Variants in NKAIN2 observed in about 807,000 individuals in gnomAD.
NKAIN2 encodes sodium/potassium-transporting ATPase subunit beta-1-interacting protein 2.
In NKAIN2, 14 loss-of-function variants were observed where a neutral mutation model predicts 32.6. The ratio of observed to expected loss-of-function variants is 0.43; its 90% CI spans 0.28 to 0.67. The LOEUF is 0.67. NKAIN2 is among the 30% of genes least tolerant of loss of function. NKAIN2 has a pLI of 0.17. For missense variants in NKAIN2, 198 were observed against 258.3 expected (o/e 0.77, Z 1.60); for synonymous variants, 80 against 87.2 (o/e 0.92, Z 0.46).
intron 3 of NKAIN2, among the ~76,000 whole-genome samples, chr6:124,524,467 G>T (rs1245772672): frequency 6.6e-6 from 1 of 152,048 alleles, no homozygotes; most frequent in Non-Finnish European, 1.5e-5. Flanking sequence ...AAAATAATGA[G>T]AATAGTAACA....
At chr6:124,501,145 T>C (rs1432615251) in intron 3 of NKAIN2, among the ~76,000 whole-genome samples, 1 of 152,172 alleles carries the variant, frequency 6.6e-6, no homozygotes, top group Admixed American at 6.5e-5. Context: ...TCAGAGAGGA[T>C]CATTTTGCCT....
intron 1 of NKAIN2, among the ~76,000 whole-genome samples, chr6:123,993,504 A>G (rs1011746802): frequency 6.6e-6 from 1 of 152,212 alleles, no homozygotes; most frequent in Non-Finnish European, 1.5e-5. Flanking sequence ...CATAAAATCT[A>G]TATTTAATTG....
At chr6:124,727,838 G>C (rs1172087495) in intron 4 of NKAIN2, among the ~76,000 whole-genome samples, 1 of 150,068 alleles carries the variant, frequency 6.7e-6, no homozygotes, top group Non-Finnish European at 1.5e-5. Context: ...ACACACATAG[G>C]CTCAAAATAA....
chr6:123,814,818 A>G (rs1325543409), intron 1 of NKAIN2, among the ~76,000 whole-genome samples: 2 of 152,172 alleles, frequency 1.3e-5, no homozygotes, highest in Non-Finnish European at 2.9e-5. Context: ...TTTACATGCA[A>G]TGGATGAAGA....
At chr6:124,616,815 T>G (rs1045353973) in intron 3 of NKAIN2, among the ~76,000 whole-genome samples, 1 of 152,054 alleles carries the variant, frequency 6.6e-6, no homozygotes, top group African/African-American at 2.4e-5. Flanking sequence ...TTGAAGCCCC[T>G]TGCTTGCCAT....
rs145089943 is a variant in NKAIN2, at chr6:124,306,093, G to A, written c.192+22951G>A. Among the ~76,000 whole-genome samples, 38 of 152,292 alleles carry A rather than the reference G, an allele frequency of 2.5e-4. No individual in the cohort carries two copies. In the East Asian group the frequency reaches 7.3e-3, roughly 29 times the overall value. Reference sequence around the variant, plus strand: ...TTATAATCAGAATCTGCAAGGATTTGCTGAGGAAAAGCATTTTGAAATAGA... The same window carrying A: ...TTATAATCAGAATCTGCAAGGATTTACTGAGGAAAAGCATTTTGAAATAGA... On this transcript the variant is annotated intron_variant, in intron 2 of 6. Transcript: ENST00000368417.
intron 3 of NKAIN2, among the ~76,000 whole-genome samples, chr6:124,476,069 T>A (rs9385336): frequency 0.012 from 677 of 55,028 alleles, 3 homozygotes; most frequent in East Asian, 0.023. Flanking sequence ...AGAGAGAGTG[T>A]GTGTGTGTGT....
intron 1 of NKAIN2, among the ~76,000 whole-genome samples, chr6:124,094,437 G>A (rs1197579669): frequency 6.6e-6 from 1 of 152,078 alleles, no homozygotes; most frequent in Non-Finnish European, 1.5e-5. Flanking sequence ...CAGAAATTGT[G>A]TCTTTGCATT....
At chr6:123,849,389 T>G (rs1044573890) in intron 1 of NKAIN2, among the ~76,000 whole-genome samples, 1 of 152,092 alleles carries the variant, frequency 6.6e-6, no homozygotes, top group Non-Finnish European at 1.5e-5. Context: ...TGGTGAGAGA[T>G]CCTGTAAAAT....
chr6:123,834,636 A>G (rs1420522179), intron 1 of NKAIN2, among the ~76,000 whole-genome samples: 1 of 152,200 alleles, frequency 6.6e-6, no homozygotes, highest in Non-Finnish European at 1.5e-5. Flanking sequence ...AGGGAGCATC[A>G]TAACCTTGTT....
intron 3 of NKAIN2, among the ~76,000 whole-genome samples, chr6:124,376,523 A>G (rs867525048): frequency 6.6e-6 from 1 of 152,160 alleles, no homozygotes; most frequent in East Asian, 1.9e-4. Flanking sequence ...TGTATGCAAT[A>G]TGTATTTTCC....
At chr6:124,492,536 A>T (rs1777905083) in intron 3 of NKAIN2, among the ~76,000 whole-genome samples, 1 of 151,930 alleles carries the variant, frequency 6.6e-6, no homozygotes, top group African/African-American at 2.4e-5. Flanking sequence ...TAATGGTTTT[A>T]TTAGCACCAT....
At chr6:124,644,315 G>C (rs781470) in intron 3 of NKAIN2, among the ~76,000 whole-genome samples, 81,956 of 151,860 alleles carry the variant, frequency 0.54, 22,516 homozygotes, top group Middle Eastern at 0.62. Flanking sequence ...GTTTTATCAT[G>C]TTAACAATTC....
chr6:124,568,822 C>CAAAAAAAAAAAAAA (rs3053601), intron 3 of NKAIN2, among the ~76,000 whole-genome samples: 2 of 80,522 alleles, frequency 2.5e-5, no homozygotes, highest in Non-Finnish European at 2.2e-5. Context: ...AGCACTGTGG[C>CAAAAAAAAAAAAAA]AAAAAAAAAA....
intron 2 of NKAIN2, among the ~76,000 whole-genome samples, chr6:124,309,019 C>T (rs1052640219): frequency 3.9e-5 from 6 of 152,020 alleles, no homozygotes; most frequent in African/African-American, 9.7e-5. Context: ...AGAAACAAAC[C>T]GAGAACAGGC....
At chr6:124,676,471 C>T (rs1364259665) in intron 4 of NKAIN2, among the ~76,000 whole-genome samples, 4 of 152,096 alleles carry the variant, frequency 2.6e-5, no homozygotes, top group Non-Finnish European at 5.9e-5. Context: ...CCCTTCAGTT[C>T]GTCAGTAACT....
chr6:123,929,631 A>C (rs1776163278), intron 1 of NKAIN2, among the ~76,000 whole-genome samples: 1 of 152,122 alleles, frequency 6.6e-6, no homozygotes, highest in South Asian at 2.1e-4. Flanking sequence ...TATTACTTTG[A>C]ATATACTGTA....
At position 123,956,128 on chromosome 6, in the gene NKAIN2, G is replaced by T. The variant is rs548190405; in HGVS notation, c.54+151874G>T. Among the ~76,000 whole-genome samples, 145 of 152,254 alleles carry T rather than the reference G, an allele frequency of 9.5e-4. No individual in the cohort carries two copies. In the Middle Eastern group the frequency reaches 0.024, roughly 25 times the overall value. On this transcript the variant is annotated intron_variant, in intron 1 of 6. Transcript: ENST00000368417. ...AACTTTACGTAATTACATGTAAAAT[G>T]CTGGATGCATTATTTTAAAAATACA...
At chr6:124,809,037 G>C (rs1255066607) in intron 5 of NKAIN2, among the ~76,000 whole-genome samples, 4 of 152,158 alleles carry the variant, frequency 2.6e-5, no homozygotes, top group South Asian at 4.1e-4. Context: ...GAATCAATAT[G>C]GTGAAAATGG....
Sources: allele counts gnomAD v4.1 joint callset (sites outside exome capture counted in the v4.1 genomes callset), GRCh38; gene constraint gnomAD v4.1.1; transcripts MANE v1.5; gene names NCBI Gene and HGNC (gene_info 2026-07-23, HGNC 2026-07-21).